MTA1: variants seen among roughly 807,000 people sequenced by gnomAD.
The protein encoded by MTA1 is metastasis-associated protein MTA1.
In MTA1, 15 loss-of-function variants were observed where a neutral mutation model predicts 97.0. That is an observed-to-expected ratio of 0.15 (90% CI 0.10 to 0.24). The LOEUF (loss-of-function observed/expected upper bound fraction) is 0.24, where lower values mean the gene tolerates loss of function less well. Ranked by LOEUF, MTA1 falls within the 10% of genes least tolerant of loss-of-function variation. MTA1 has a pLI of 1.00. For missense variants in MTA1, 709 were observed against 1,015.1 expected, an observed-to-expected ratio of 0.70 and a Z score of 4.10; for synonymous variants, 435 against 417.5, an observed-to-expected ratio of 1.04 and a Z score of -0.51.
At position 105,424,483 on chromosome 14, in the gene MTA1, G is replaced by A. The variant is rs2081950335; in HGVS notation, c.28+4420G>A. Among the ~76,000 whole-genome samples, 1 of 151,246 alleles carries A rather than the reference G, an allele frequency of 6.6e-6. No individual in the cohort carries two copies. Among genetic ancestry groups the A allele is most frequent in the Non-Finnish European group, 1.5e-5 (1 of 67,924 alleles). On this transcript the variant is annotated intron_variant, in intron 1 of 20. Transcript: ENST00000331320. This position sits in a 1 kb window ranked among gnomAD's most constrained non-coding sequence, Gnocchi z 4.0. ...CTCAAAGTATTGGGATTACAGGCGT[G>A]AGCCACTGCGTCTGGCTTTTTTTTT...
At position 105,450,406 on chromosome 14, in the gene MTA1, G is replaced by A. The variant is rs913358337; in HGVS notation, c.432+82G>A. On this transcript the variant is annotated intron_variant, in intron 6 of 20. Transcript: ENST00000331320. ...ACCTATGACCTCTGCTGGCCTGGGC[G>A]GCGGAGACGATTTTCCCTCCTCCCT... The A allele has an allele frequency of 3.3e-4, 480 of 1,455,818 alleles. 1 individual carries two copies. Among genetic ancestry groups the A allele is most frequent in the Middle Eastern group, 1.1e-3 (6 of 5,396 alleles). 90.2% of individuals were successfully genotyped at this position (1,455,818 alleles called of 1,614,324 possible). A position where few individuals can be genotyped will look rare whatever the true frequency, so the allele number is the denominator to read the frequency against.
In MTA1 at chr14:105,463,804, T is replaced by G; in HGVS notation, c.1077-228T>G. On this transcript the variant is annotated intron_variant, in intron 12 of 20. Coordinates refer to ENST00000331320, the MANE Select transcript of MTA1 (RefSeq NM_004689.4). This position sits in a 1 kb window ranked among gnomAD's most constrained non-coding sequence, Gnocchi z 5.9. Reference sequence around the variant, plus strand: ...GCCCACACCGCCAGGGTTCAGTCCCTGAGCTGGGCTCCATGCTAGGGGGAG... The same window carrying G: ...GCCCACACCGCCAGGGTTCAGTCCCGGAGCTGGGCTCCATGCTAGGGGGAG... The G allele has an allele frequency of 1.6e-6, 1 of 629,522 alleles. No individual in the cohort carries two copies. The highest frequency in any genetic ancestry group is 1.9e-5 in the South Asian group (1 of 52,060). The allele number at this position is 629,522 out of a possible 1,614,324, so 39.0% of individuals were successfully genotyped here.
intron 18 of MTA1, chr14:105,467,415 C>T (rs2083640704): frequency 2.2e-6 from 1 of 455,788 alleles, no homozygotes; most frequent in African/African-American, 2.0e-5. Flanking sequence ...GGTTTGGCGA[C>T]CTGGAGGTGG....
In MTA1 at chr14:105,432,025, T is replaced by TA. The variant is rs1330207962; in HGVS notation, c.29-6638dup. On this transcript the variant is annotated intron_variant, in intron 1 of 20. Transcript: ENST00000331320. Reference sequence around the variant, plus strand: ...ACTTGATGTCATCAGTTCTGTGAATTAAAAAAAAACCTTTTTTAAAGAGAT... The same window carrying TA: ...ACTTGATGTCATCAGTTCTGTGAATTAAAAAAAAAACCTTTTTTAAAGAGAT... Among the ~76,000 whole-genome samples, 92 of 151,536 alleles carry TA rather than the reference T, an allele frequency of 6.1e-4. 1 individual carries two copies. Among genetic ancestry groups the TA allele is most frequent in the South Asian group, 1.0e-3 (5 of 4,786 alleles).
intron 7 of MTA1, among the ~76,000 whole-genome samples, chr14:105,455,688 T>C (rs587737530): frequency 6.6e-6 from 1 of 152,372 alleles, no homozygotes; most frequent in East Asian, 1.9e-4. Flanking sequence ...CGTAAGGTGC[T>C]GGTGCGTCTC....
At chr14:105,455,289 C>T (rs1555429630) in intron 7 of MTA1, among the ~76,000 whole-genome samples, 1 of 152,238 alleles carries the variant, frequency 6.6e-6, no homozygotes, top group Non-Finnish European at 1.5e-5. Context: ...GTGGGTGCCC[C>T]ACCCTTGAGG....
At chr14:105,452,137 T>C (rs2082968544) in intron 6 of MTA1, among the ~76,000 whole-genome samples, 3 of 152,172 alleles carry the variant, frequency 2.0e-5, no homozygotes, top group Non-Finnish European at 4.4e-5. Context: ...AGCCCCAATA[T>C]GGGAATTTAA....
chr14:105,447,828 G>A (rs972461970), intron 3 of MTA1, among the ~76,000 whole-genome samples: 1 of 152,184 alleles, frequency 6.6e-6, no homozygotes, highest in Non-Finnish European at 1.5e-5. Flanking sequence ...CACACCCCCC[G>A]GGGTTGTGTC....
At chr14:105,448,827 C>T (rs1555427863) in intron 3 of MTA1, among the ~76,000 whole-genome samples, 1 of 152,264 alleles carries the variant, frequency 6.6e-6, no homozygotes, top group African/African-American at 2.4e-5. Context: ...AGCGAGCAGC[C>T]CGGCTGGCTG....
At chr14:105,468,642 C>G (rs1555433496) in intron 18 of MTA1, among the ~76,000 whole-genome samples, 1 of 152,198 alleles carries the variant, frequency 6.6e-6, no homozygotes, top group African/African-American at 2.4e-5. Flanking sequence ...AGCAGCGTTT[C>G]TGGAGCTGGC....
At chr14:105,458,129 C>T in intron 7 of MTA1, 141 bp from the exon 8 acceptor site, 1 of 664,426 alleles carries the variant, frequency 1.5e-6, no homozygotes, top group South Asian at 1.8e-5. Context: ...CTCCGTCCAG[C>T]CTTGCACCCT....
At chr14:105,453,504 T>A (rs1213994619) in intron 6 of MTA1, among the ~76,000 whole-genome samples, 2 of 150,786 alleles carry the variant, frequency 1.3e-5, no homozygotes, top group Non-Finnish European at 3.0e-5. Context: ...AGCGAGACCA[T>A]GTTTCGAAAA....
chr14:105,436,364 T>G lies in MTA1; in HGVS notation c.29-2308T>G, dbSNP rs1595299532. ...TATTTTTACTCTATCATTTCCTGCC[T>G]TCTTGCTTTATTTGTCCGTTTATTA... On this transcript the variant is annotated intron_variant, in intron 1 of 20. Coordinates refer to ENST00000331320, the MANE Select transcript of MTA1 (RefSeq NM_004689.4). Among the ~76,000 whole-genome samples, 3 of 152,254 alleles carry G rather than the reference T, an allele frequency of 2.0e-5. No individual in the cohort carries two copies. The East Asian group carries it at 5.8e-4, about 29-fold the overall frequency.
intron 7 of MTA1, among the ~76,000 whole-genome samples, chr14:105,456,621 C>A (rs113506797): frequency 2.0e-5 from 3 of 152,240 alleles, no homozygotes; most frequent in African/African-American, 7.2e-5. Context: ...TGGAAAATTG[C>A]ACACTAGTTG....
chr14:105,467,335 A>G lies in MTA1; in HGVS notation c.1813+593A>G, dbSNP rs1230532064. The G allele has an allele frequency of 9.0e-6, 4 of 444,446 alleles. No homozygotes were observed. In the East Asian group the frequency reaches 2.8e-4, roughly 31 times the overall value. 27.5% of individuals were successfully genotyped at this position (444,446 alleles called of 1,614,324 possible). A position where few individuals can be genotyped will look rare whatever the true frequency, so the allele number is the denominator to read the frequency against. Reference sequence around the variant, plus strand: ...CGGGTGTGCAAGTGCTGGGCCTGCCAGTGTGGATGTGCCTGGAGCCCCTTC... The same window carrying G: ...CGGGTGTGCAAGTGCTGGGCCTGCCGGTGTGGATGTGCCTGGAGCCCCTTC... On this transcript the variant is annotated intron_variant, in intron 18 of 20. Coordinates refer to ENST00000331320, the MANE Select transcript of MTA1 (RefSeq NM_004689.4).
At chr14:105,446,094 C>G (rs879953106) in intron 3 of MTA1, among the ~76,000 whole-genome samples, 6 of 152,180 alleles carry the variant, frequency 3.9e-5, no homozygotes, top group Non-Finnish European at 5.9e-5. Flanking sequence ...CCCCCGGGAA[C>G]AGGTGCTCGC....
intron 1 of MTA1, among the ~76,000 whole-genome samples, chr14:105,429,905 C>T (rs1279270248): frequency 1.3e-5 from 2 of 151,794 alleles, no homozygotes; most frequent in African/African-American, 4.8e-5. Flanking sequence ...TACAGGCACA[C>T]ACCACCATGC....
In MTA1 at chr14:105,451,762, C is replaced by G. The variant is rs587632530; in HGVS notation, c.432+1438C>G. 2.4e-4 allele frequency among the ~76,000 whole-genome samples: 36 copies of G among 148,166 alleles called. No individual in the cohort carries two copies. The South Asian group carries it at 6.3e-3, about 26-fold the overall frequency. On this transcript the variant is annotated intron_variant, in intron 6 of 20. Transcript: ENST00000331320. ...CTGCTGCACGATGCAGCCCTTCCCC[C>G]CTTTTTCTTTTTCTTTTTTTGTTTT...
At chr14:105,460,995 C>T (rs1555430937) in intron 10 of MTA1, 42 bp downstream of exon 10, 1 of 1,577,604 alleles carries the variant, frequency 6.3e-7, no homozygotes, top group Non-Finnish European at 8.6e-7. Context: ...CTGGCCATGC[C>T]CATCTCCAGG....
Sources: gnomAD v4.1 joint callset for allele counts (sites outside exome capture counted in the v4.1 genomes callset) on GRCh38, gnomAD v4.1.1 for gene constraint, Gnocchi (gnomAD v3.1) non-coding constraint, MANE v1.5 for transcripts, NCBI Gene and HGNC (gene_info 2026-07-23, HGNC 2026-07-21) for gene names.